Variants in JAK1 observed in about 807,000 individuals in gnomAD.
JAK1 encodes tyrosine-protein kinase JAK1.
JAK1 carries 16 observed loss-of-function variants against 136.6 expected under a neutral mutation model. That is an observed-to-expected ratio of 0.12 (90% CI 0.08 to 0.18). The LOEUF (loss-of-function observed/expected upper bound fraction) is 0.18. Among genes scored for constraint, JAK1 ranks in the 10% least tolerant of loss-of-function variants. The pLI, the probability that JAK1 is intolerant of heterozygous loss-of-function variation, is 1.00. For missense variants in JAK1, 859 were observed against 1,450.1 expected (o/e 0.59, Z 6.62); for synonymous variants, 492 against 519.5 (o/e 0.95, Z 0.72).
At chr1:64,865,908 T>G (rs929558343) in intron 7 of JAK1, among the ~76,000 whole-genome samples, 2 of 152,020 alleles carry the variant, frequency 1.3e-5, no homozygotes, top group African/African-American at 2.4e-5. Flanking sequence ...CACAGGCACG[T>G]GCCACCACAT....
intron 2 of JAK1, among the ~76,000 whole-genome samples, chr1:65,000,386 C>T (rs1350558234): frequency 1.5e-4 from 23 of 151,746 alleles, no homozygotes; most frequent in Non-Finnish European, 1.5e-4. Flanking sequence ...GCCTGTAATC[C>T]CAGATACTTG....
chr1:64,938,179 T>A (rs1032604684), intron 1 of JAK1, among the ~76,000 whole-genome samples: 1 of 151,856 alleles, frequency 6.6e-6, no homozygotes, highest in African/African-American at 2.4e-5. Context: ...AGAAAGAATG[T>A]AATTTCATGG....
At chr1:64,924,820 G>C (rs10889504) in intron 1 of JAK1, among the ~76,000 whole-genome samples, 31,828 of 152,042 alleles carry the variant, frequency 0.21, 4,021 homozygotes, top group East Asian at 0.53. Context: ...CTAAAACCAG[G>C]ACAGCAAATA....
chr1:64,919,164 C>G (rs956068105), intron 1 of JAK1, among the ~76,000 whole-genome samples: 24 of 152,166 alleles, frequency 1.6e-4, no homozygotes, highest in Non-Finnish European at 2.5e-4. Context: ...TATCCCTCCC[C>G]ACTTCCCCCA....
intron 1 of JAK1, among the ~76,000 whole-genome samples, chr1:65,061,672 T>A (rs964295514): frequency 9.2e-5 from 14 of 152,230 alleles, no homozygotes; most frequent in Admixed American, 5.2e-4. Flanking sequence ...ATGGCCAAAT[T>A]TGACCACACT....
chr1:65,027,362 G>A (rs891158682), intron 2 of JAK1, among the ~76,000 whole-genome samples: 5 of 152,052 alleles, frequency 3.3e-5, no homozygotes, highest in East Asian at 1.9e-4. Flanking sequence ...CAATTATCTC[G>A]AAACTTTGAT....
At chr1:65,045,317 GT>G (rs11362588) in intron 1 of JAK1, among the ~76,000 whole-genome samples, 33,300 of 151,744 alleles carry the variant, frequency 0.22, 4,097 homozygotes, top group African/African-American at 0.33. Flanking sequence ...TTAGTGAAGG[GT>G]TTTTTTTTCT....
intron 22 of JAK1, among the ~76,000 whole-genome samples, chr1:64,837,679 G>C (rs886165065): frequency 6.6e-6 from 1 of 152,182 alleles, no homozygotes; most frequent in Non-Finnish European, 1.5e-5. Context: ...TGAGCTGGTG[G>C]TTAGATTTCT....
At chr1:65,065,807 G>A (rs778483107) in intron 1 of JAK1, among the ~76,000 whole-genome samples, 23 of 151,462 alleles carry the variant, frequency 1.5e-4, no homozygotes, top group Non-Finnish European at 2.8e-4. Flanking sequence ...GGGGGCTACG[G>A]AGGGACAGCA....
At chr1:64,877,880 G>A (rs948351111) in intron 4 of JAK1, among the ~76,000 whole-genome samples, 10 of 152,098 alleles carry the variant, frequency 6.6e-5, no homozygotes, top group African/African-American at 1.4e-4. Flanking sequence ...AAATCTCCAC[G>A]GCACACAGCT....
intron 2 of JAK1, among the ~76,000 whole-genome samples, chr1:65,042,935 G>A (rs1647148557): frequency 6.6e-6 from 1 of 152,186 alleles, no homozygotes; most frequent in South Asian, 2.1e-4. Flanking sequence ...TAGTGCTTCT[G>A]CAAGAGAACC....
At chr1:65,015,873 G>A (rs1049688961) in intron 2 of JAK1, among the ~76,000 whole-genome samples, 8 of 152,010 alleles carry the variant, frequency 5.3e-5, no homozygotes, top group Non-Finnish European at 1.0e-4. Flanking sequence ...AATAGAAAGC[G>A]GGGACTCAAA....
chr1:64,929,188 T>C (rs1217595930), intron 1 of JAK1, among the ~76,000 whole-genome samples: 1 of 152,206 alleles, frequency 6.6e-6, no homozygotes, highest in Non-Finnish European at 1.5e-5. Flanking sequence ...CACAGGGGAA[T>C]AGTCAGTTAT....
At position 64,886,244 on chromosome 1, in the gene JAK1, T is replaced by C. The variant is rs1291854582; in HGVS notation, c.6+15A>G. 5.8e-6 allele frequency: 9 copies of C among 1,559,364 alleles called. No homozygotes were observed. The highest frequency in any genetic ancestry group is 4.1e-5 in the African/African-American group (3 of 73,016). ...CAGATATTTTCCTTTTTTAAAAATA[T>C]GCAAATCTACATACCTGCATTTATT... On this transcript the variant is annotated intron_variant, in intron 2 of 24. Transcript: ENST00000342505.
intron 1 of JAK1, among the ~76,000 whole-genome samples, chr1:64,937,804 C>T (rs1645816121): frequency 1.3e-5 from 2 of 152,214 alleles, no homozygotes; most frequent in South Asian, 2.1e-4. Context: ...GGAAACCCAA[C>T]CATCGATCAC....
intron 1 of JAK1, among the ~76,000 whole-genome samples, chr1:64,961,994 TA>T (rs1161712384): frequency 6.6e-6 from 1 of 152,134 alleles, no homozygotes; most frequent in Non-Finnish European, 1.5e-5. Context: ...AAAAGAAAGA[TA>T]ACAAGGGGAA....
intron 2 of JAK1, among the ~76,000 whole-genome samples, chr1:64,983,932 T>C (rs1479124101): frequency 6.6e-6 from 1 of 152,206 alleles, no homozygotes; most frequent in Non-Finnish European, 1.5e-5. Context: ...AGAGGTAATG[T>C]GCAGATCTCA....
intron 1 of JAK1, among the ~76,000 whole-genome samples, chr1:64,961,073 T>C (rs890848008): frequency 5.3e-5 from 8 of 152,246 alleles, no homozygotes; most frequent in African/African-American, 1.2e-4. Context: ...TCTGAGAACA[T>C]GTCTTCCTGT....
intron 20 of JAK1, among the ~76,000 whole-genome samples, chr1:64,838,874 G>A (rs887864696): frequency 2.0e-5 from 3 of 152,052 alleles, no homozygotes; most frequent in Admixed American, 6.5e-5. Flanking sequence ...GGCTGGGCGC[G>A]GTGGCTCACG....
Sources: gnomAD v4.1 joint callset for allele counts (sites outside exome capture counted in the v4.1 genomes callset) on GRCh38, gnomAD v4.1.1 for gene constraint, MANE v1.5 for transcripts, NCBI Gene and HGNC (gene_info 2026-07-23, HGNC 2026-07-21) for gene names.